GOLM1: variants seen among roughly 807,000 people sequenced by gnomAD.
GOLM1 encodes the protein golgi membrane protein 1, also known as epididymis luminal protein 46.
In GOLM1, 31 loss-of-function variants were observed where a neutral mutation model predicts 50.5. The ratio of observed to expected loss-of-function variants is 0.61; its 90% CI spans 0.46 to 0.83. The LOEUF is 0.83. Ranked by LOEUF, GOLM1 falls within the 40% of genes least tolerant of loss-of-function variation. The pLI, the probability that GOLM1 is intolerant of heterozygous loss-of-function variation, is 0.00. For synonymous variants in GOLM1, 178 were observed against 192.8 expected (o/e 0.92, Z 0.64); for missense variants, 491 against 501.3 (o/e 0.98, Z 0.20).
intron 4 of GOLM1, among the ~76,000 whole-genome samples, chr9:86,050,410 TC>T (rs1833705794): frequency 1.3e-5 from 2 of 152,242 alleles, no homozygotes; most frequent in Admixed American, 1.3e-4. Flanking sequence ...TCCCTCTTTT[TC>T]TATTGATTAG....
At chr9:86,071,393 T>C (rs1834442624) in intron 3 of GOLM1, among the ~76,000 whole-genome samples, 1 of 151,414 alleles carries the variant, frequency 6.6e-6, no homozygotes, top group Non-Finnish European at 1.5e-5. Flanking sequence ...AATGCAACAA[T>C]GGTGGTCAGG....
intron 3 of GOLM1, among the ~76,000 whole-genome samples, chr9:86,074,197 G>C (rs1834536223): frequency 7.1e-6 from 1 of 140,548 alleles, no homozygotes; most frequent in Non-Finnish European, 1.5e-5. Context: ...AAGGAGACTT[G>C]TTCCAGTTCT....
intron 2 of GOLM1, 61 bp from the exon 3 acceptor site, chr9:86,077,652 G>A (rs998416233): frequency 1.6e-6 from 2 of 1,263,316 alleles, no homozygotes; most frequent in South Asian, 1.2e-5. Flanking sequence ...TGGACCACCT[G>A]AGCGCCCTCC....
At chr9:86,042,745 A>C (rs549484214) in intron 5 of GOLM1, among the ~76,000 whole-genome samples, 1 of 152,336 alleles carries the variant, frequency 6.6e-6, no homozygotes, top group Admixed American at 6.5e-5. Context: ...TACTGATTGC[A>C]CCTGCTCCCA....
Position 86,035,421 on chromosome 9 carries a change from T to C in GOLM1, c.962A>G (p.Asp321Gly), listed in dbSNP as rs1202434295. ...ENPEMEGPER[D>G]QLVIPDGQEE... ...CTGTCCGTCGGGGATGACAAGCTGGTCTCGCTCAGGGCCCTCCATCTCTGG... is the reference window on the plus strand; with the variant it reads ...CTGTCCGTCGGGGATGACAAGCTGGCCTCGCTCAGGGCCCTCCATCTCTGG... The change falls in exon 8 of 10, where the codon GAC becomes GGC. Residue 321 changes from aspartate (D) to glycine (G), a missense_variant. Physicochemically the swap from Asp to Gly is moderately conservative, Grantham distance 94. Coordinates refer to ENST00000388712, the MANE Select transcript of GOLM1 (RefSeq NM_016548.4). 6.2e-7 allele frequency: 1 copy of C among 1,613,882 alleles called. No homozygotes were observed. The highest frequency in any genetic ancestry group is 2.2e-5 in the East Asian group (1 of 44,834).
rs556522972 is a variant in GOLM1 at position 86,034,837 on chromosome 9, G to A, written c.1015+531C>T. 3.9e-5 allele frequency among the ~76,000 whole-genome samples: 6 copies of A among 152,100 alleles called. No homozygotes were observed. The South Asian group carries it at 8.3e-4, about 21-fold the overall frequency. The stretch of plus-strand genomic sequence containing the variant: ...GACTGAAATACATCCTGGAATAGTC[G>A]GTTGATCTCCAATTCCTACCCTTTA... On this transcript the variant is annotated intron_variant, in intron 8 of 9. Coordinates refer to ENST00000388712, the MANE Select transcript of GOLM1 (RefSeq NM_016548.4).
intron 3 of GOLM1, among the ~76,000 whole-genome samples, chr9:86,074,235 T>TAAAA (rs11333722): frequency 4.9e-5 from 6 of 121,434 alleles, no homozygotes; most frequent in Non-Finnish European, 7.1e-5. Context: ...TTCTAAGATT[T>TAAAA]AAAAAAAAAA....
intron 7 of GOLM1, 48 bp downstream of exon 7, chr9:86,036,300 T>TG: frequency 6.3e-7 from 1 of 1,597,822 alleles, no homozygotes; most frequent in Non-Finnish European, 8.6e-7. Context: ...CTTCCTCTGA[T>TG]GGGGCTCTGG....
At chr9:86,037,455 A>G (rs541432680) in intron 6 of GOLM1, among the ~76,000 whole-genome samples, 86 of 152,024 alleles carry the variant, frequency 5.7e-4, no homozygotes, top group East Asian at 1.7e-3. Flanking sequence ...AAAAAAAAAA[A>G]AAAGAAAATG....
chr9:86,075,544 T>C (rs1834585044), intron 3 of GOLM1, among the ~76,000 whole-genome samples: 1 of 152,194 alleles, frequency 6.6e-6, no homozygotes, highest in South Asian at 2.1e-4. Context: ...CCAGAGAATT[T>C]AAGTGACTTG....
rs1276980708 is a variant in GOLM1 at position 86,035,866 on chromosome 9, C to CAAAAAAAAAAAAAA, written c.758-242_758-241insTTTTTTTTTTTTTT. On this transcript the variant is annotated intron_variant, in intron 7 of 9. Coordinates refer to ENST00000388712, the MANE Select transcript of GOLM1 (RefSeq NM_016548.4). ...CGCGACAAAGGGAAAAGTAGCTTAC[C>CAAAAAAAAAAAAAA]AAAAAAAAAAACAAAACAAAAAAAA... Among the ~76,000 whole-genome samples the CAAAAAAAAAAAAAA allele has an allele frequency of 2.3e-3, 109 of 46,676 alleles. 3 individuals are homozygous for CAAAAAAAAAAAAAA. The highest frequency in any genetic ancestry group is 4.3e-3 in the East Asian group (7 of 1,640). The allele number at this position is 46,676 out of a possible 152,430, so 30.6% of individuals were successfully genotyped here.
chr9:86,038,085 C>T (rs1044738077), intron 6 of GOLM1, among the ~76,000 whole-genome samples: 1 of 150,104 alleles, frequency 6.7e-6, no homozygotes, highest in South Asian at 2.1e-4. Flanking sequence ...ACCCGGGAGG[C>T]AGAGGTTGTG....
Position 86,079,301 on chromosome 9 carries a change from C to T in GOLM1, c.20G>A (p.Gly7Glu). 2 of 1,598,726 alleles carry T rather than the reference C, an allele frequency of 1.3e-6. No individual in the cohort carries two copies. The highest frequency in any genetic ancestry group is 1.7e-6 in the Non-Finnish European group (2 of 1,172,734). The change falls in exon 2 of 10, where the codon GGG becomes GAG. Residue 7 changes from glycine to glutamate, a missense_variant. Physicochemically the swap from Gly to Glu is moderately conservative, Grantham distance 98. Coordinates refer to ENST00000388712, the MANE Select transcript of GOLM1 (RefSeq NM_016548.4). Reference protein sequence around the residue: MMGLGNGRRSMKSPPLV... With the variant: MMGLGNERRSMKSPPLV... ...GGGCGGCGACTTCATGCTGCGACGCCCGTTTCCCAAGCCCATCATCTCAAA... is the reference window on the plus strand; with the variant it reads ...GGGCGGCGACTTCATGCTGCGACGCTCGTTTCCCAAGCCCATCATCTCAAA...
At chr9:86,095,070 C>T (rs536103378) in intron 1 of GOLM1, among the ~76,000 whole-genome samples, 4 of 111,966 alleles carry the variant, frequency 3.6e-5, no homozygotes, top group East Asian at 2.4e-4. Flanking sequence ...GCAAAAACCC[C>T]GTCTAAAAAA....
At chr9:86,033,244 A>G (rs745317042) in intron 9 of GOLM1, 38 bp downstream of exon 9, 29 of 1,123,482 alleles carry the variant, frequency 2.6e-5, no homozygotes, top group Non-Finnish European at 3.9e-5. Flanking sequence ...AAGAGAAATG[A>G]AAGGTGACCT....
chr9:86,098,697 C>CAA (rs1835427178), intron 1 of GOLM1, among the ~76,000 whole-genome samples: 1 of 152,334 alleles, frequency 6.6e-6, no homozygotes, highest in Admixed American at 6.5e-5. Context: ...TTCTTAAAAG[C>CAA]AAATCATTAA....
At chr9:86,059,899 C>CAAAA (rs139699884) in intron 3 of GOLM1, among the ~76,000 whole-genome samples, 1 of 52,448 alleles carries the variant, frequency 1.9e-5, no homozygotes, top group Non-Finnish European at 3.8e-5. Context: ...GAGTCTATCT[C>CAAAA]AAAAAAAAAA....
At chr9:86,054,432 C>T (rs760912187) in intron 3 of GOLM1, among the ~76,000 whole-genome samples, 23 of 152,146 alleles carry the variant, frequency 1.5e-4, no homozygotes, top group Non-Finnish European at 2.5e-4. Context: ...CCATGTTGGC[C>T]AGGCTGGTCT....
At chr9:86,069,432 G>A (rs995353249) in intron 3 of GOLM1, among the ~76,000 whole-genome samples, 2 of 152,128 alleles carry the variant, frequency 1.3e-5, no homozygotes, top group African/African-American at 4.8e-5. Context: ...ACCTACTACT[G>A]CAACAGACAG....
Sources: gnomAD v4.1 joint callset for allele counts (sites outside exome capture counted in the v4.1 genomes callset) on GRCh38, gnomAD v4.1.1 for gene constraint, MANE v1.5 for transcripts, NCBI Gene and HGNC (gene_info 2026-07-23, HGNC 2026-07-21) for gene names.